RPAP3: variants seen among roughly 807,000 people sequenced by gnomAD.
RPAP3 encodes RNA polymerase II associated protein 3.
A neutral mutation model predicts 88.8 loss-of-function variants in RPAP3; 58 were observed. That is an observed-to-expected ratio of 0.65 (90% CI 0.53 to 0.81). The LOEUF (loss-of-function observed/expected upper bound fraction) is 0.81, where lower values mean the gene tolerates loss of function less well. Ranked by LOEUF, RPAP3 falls within the 40% of genes least tolerant of loss-of-function variation. The probability of loss-of-function intolerance (pLI) is 0.00; values close to 1 mark genes in which losing one functional copy is unlikely to be tolerated. For synonymous variants in RPAP3, 255 were observed against 259.9 expected (o/e 0.98, Z 0.18); for missense variants, 751 against 764.3 (o/e 0.98, Z 0.20).
intron 1 of RPAP3, among the ~76,000 whole-genome samples, chr12:47,704,777 G>T (rs991842356): frequency 1.1e-4 from 17 of 152,100 alleles, no homozygotes; most frequent in African/African-American, 3.9e-4. Context: ...AGAGGTTGGG[G>T]GGCAGGGGGA....
At chr12:47,705,058 T>C (rs1592491574) in intron 1 of RPAP3, among the ~76,000 whole-genome samples, 1 of 152,088 alleles carries the variant, frequency 6.6e-6, no homozygotes, top group African/African-American at 2.4e-5. Flanking sequence ...CATTTGCCTT[T>C]GATAATATAA....
rs34101861 is a variant in RPAP3 at position 47,674,084 on chromosome 12, T to TAAAAAAAAAAA, written c.1288-3750_1288-3740dup. ...CCTAGGAAGTATTTTTTAAAGATTC[T>TAAAAAAAAAAA]AAAAAAAAAAAAAAAAAAAAAGTGC... On this transcript the variant is annotated intron_variant, in intron 12 of 16. Coordinates refer to ENST00000005386, the MANE Select transcript of RPAP3 (RefSeq NM_024604.3). 4.1e-5 allele frequency among the ~76,000 whole-genome samples: 5 copies of TAAAAAAAAAAA among 123,338 alleles called. 1 individual carries two copies. Among genetic ancestry groups the TAAAAAAAAAAA allele is most frequent in the Non-Finnish European group, 8.2e-5 (5 of 60,646 alleles). 80.9% of individuals were successfully genotyped at this position (123,338 alleles called of 152,430 possible). A position where few individuals can be genotyped will look rare whatever the true frequency, so the allele number is the denominator to read the frequency against.
At chr12:47,694,956 G>A (rs1939495024) in intron 5 of RPAP3, among the ~76,000 whole-genome samples, 1 of 152,142 alleles carries the variant, frequency 6.6e-6, no homozygotes, top group Non-Finnish European at 1.5e-5. Flanking sequence ...TGTAACAACT[G>A]TGTAACAACA....
chr12:47,681,427 T>C (rs978249237), intron 10 of RPAP3, among the ~76,000 whole-genome samples: 1 of 152,198 alleles, frequency 6.6e-6, no homozygotes, highest in African/African-American at 2.4e-5. Flanking sequence ...TCCATTCTCA[T>C]GTATAATTAA....
chr12:47,701,431 A>G, intron 3 of RPAP3, 33 bp downstream of exon 3: 2 of 1,508,280 alleles, frequency 1.3e-6, no homozygotes, highest in South Asian at 2.7e-5. Context: ...ATTTTACTCA[A>G]ATATTAAGAA....
At chr12:47,693,417 T>C (rs1475642794) in intron 5 of RPAP3, among the ~76,000 whole-genome samples, 1 of 152,222 alleles carries the variant, frequency 6.6e-6, no homozygotes, top group Non-Finnish European at 1.5e-5. Context: ...TCTGAAATAC[T>C]GCAACAATTA....
In RPAP3 at chr12:47,689,202, A is replaced by G; in HGVS notation, c.668-7T>C. On this transcript the variant is annotated splice_region_variant and splice_polypyrimidine_tract_variant and intron_variant, in intron 6 of 16. Coordinates refer to ENST00000005386, the MANE Select transcript of RPAP3 (RefSeq NM_024604.3). ...TCTAATACTCTTTCATAATCTAAGT[A>G]AAAGAGAAGATAAAAAAAATTTTTA... 1 of 1,247,686 alleles carries G rather than the reference A, an allele frequency of 8.0e-7. No homozygotes were observed. The allele number at this position is 1,247,686 out of a possible 1,614,324, so 77.3% of individuals were successfully genotyped here. A position where few individuals can be genotyped will look rare whatever the true frequency, so the allele number is the denominator to read the frequency against.
intron 12 of RPAP3, among the ~76,000 whole-genome samples, chr12:47,672,013 GAGA>G (rs1337094540): frequency 2.0e-5 from 3 of 151,322 alleles, no homozygotes; most frequent in South Asian, 2.1e-4. Flanking sequence ...GAGAGAGAGA[GAGA>G]AGAACAAAGG....
At chr12:47,666,148 T>C (rs1386570401) in intron 16 of RPAP3, among the ~76,000 whole-genome samples, 1 of 152,224 alleles carries the variant, frequency 6.6e-6, no homozygotes, top group African/African-American at 2.4e-5. Context: ...TGTGAATGAC[T>C]TTTCTCTTTT....
At chr12:47,702,041 T>C (rs760380501) in intron 2 of RPAP3, among the ~76,000 whole-genome samples, 37 of 152,236 alleles carry the variant, frequency 2.4e-4, no homozygotes, top group Non-Finnish European at 4.8e-4. Context: ...TGCATTTTTA[T>C]GCCAATATGG....
chr12:47,702,893 G>C (rs1939684809), intron 1 of RPAP3, 47 bp from the exon 2 acceptor site: 1 of 1,467,862 alleles, frequency 6.8e-7, no homozygotes, highest in Admixed American at 2.3e-5. Context: ...AGGCCTATTT[G>C]GTTTATTTTT....
chr12:47,667,651 T>C (rs1009510959), intron 15 of RPAP3, 103 bp downstream of exon 15: 1 of 623,512 alleles, frequency 1.6e-6, no homozygotes, highest in Non-Finnish European at 2.8e-6. Context: ...ACAAGACTTA[T>C]GTTCCTATGT....
chr12:47,668,767 T>G, intron 14 of RPAP3, 149 bp downstream of exon 14: 1 of 560,168 alleles, frequency 1.8e-6, no homozygotes, highest in South Asian at 2.8e-5. Context: ...GTTGTAAATA[T>G]TTTTAAATGG....
chr12:47,692,681 C>G (rs1156655922), intron 5 of RPAP3, among the ~76,000 whole-genome samples: 3 of 152,136 alleles, frequency 2.0e-5, no homozygotes, highest in African/African-American at 7.2e-5. Context: ...ATTGGAGTAG[C>G]CCTTTTAATT....
chr12:47,689,590 T>C (rs1223427544), intron 6 of RPAP3, among the ~76,000 whole-genome samples: 1 of 152,174 alleles, frequency 6.6e-6, no homozygotes, highest in East Asian at 1.9e-4. Context: ...CTTCCCACCT[T>C]GGCCTCCCAG....
At chr12:47,673,099 T>C (rs1376136843) in intron 12 of RPAP3, among the ~76,000 whole-genome samples, 1 of 152,064 alleles carries the variant, frequency 6.6e-6, no homozygotes. Context: ...TGAAAACAAC[T>C]AGATTTATGC....
intron 12 of RPAP3, among the ~76,000 whole-genome samples, chr12:47,677,354 A>G (rs999215854): frequency 5.9e-5 from 9 of 152,298 alleles, no homozygotes; most frequent in African/African-American, 2.2e-4. Context: ...GCCCTCTCTC[A>G]CCACTCCTAT....
chr12:47,685,460 T>C (rs1939304766), intron 9 of RPAP3, among the ~76,000 whole-genome samples: 1 of 152,078 alleles, frequency 6.6e-6, no homozygotes, highest in African/African-American at 2.4e-5. Flanking sequence ...TGCTCACCAC[T>C]ATTCAGAATT....
chr12:47,679,591 A>G lies in RPAP3; in HGVS notation c.1189T>C (p.Leu397=). 1 of 1,589,978 alleles carries G rather than the reference A, an allele frequency of 6.3e-7. No individual in the cohort carries two copies. The highest frequency in any genetic ancestry group is 8.6e-7 in the Non-Finnish European group (1 of 1,163,914). The change falls in exon 12 of 17, where the codon TTA becomes CTA. Residue 397 remains leucine, a synonymous_variant. Coordinates refer to ENST00000005386, the MANE Select transcript of RPAP3 (RefSeq NM_024604.3). ...VTELSKIKKE[L]IEKGHWDDVF... is the part of the protein sequence containing the mutation. ...TCATCCCAGTGTCCTTTCTCAATTA[A>G]TTCCTTGAAAATAAATTTATAACCC...
Sources: allele counts gnomAD v4.1 joint callset (sites outside exome capture counted in the v4.1 genomes callset), GRCh38; gene constraint gnomAD v4.1.1; transcripts MANE v1.5; gene names NCBI Gene and HGNC (gene_info 2026-07-23, HGNC 2026-07-21).